Variants in DENND1A observed in about 807,000 individuals in gnomAD.
DENND1A encodes the protein DENN domain containing 1A, also known as DENN domain-containing protein 1A.
In DENND1A, 51 loss-of-function variants were observed where a neutral mutation model predicts 113.7. That is an observed-to-expected ratio of 0.45 (90% CI 0.36 to 0.57). The LOEUF (loss-of-function observed/expected upper bound fraction) is 0.57, where lower values mean the gene tolerates loss of function less well. Among genes scored for constraint, DENND1A ranks in the 20% least tolerant of loss-of-function variants. DENND1A has a pLI of 0.00. For synonymous variants in DENND1A, 565 were observed against 570.8 expected (o/e 0.99, Z 0.14); for missense variants, 1,258 against 1,395.9 (o/e 0.90, Z 1.57).
chr9:123,714,335 C>G (rs955441626), intron 5 of DENND1A, among the ~76,000 whole-genome samples: 1 of 152,204 alleles, frequency 6.6e-6, no homozygotes, highest in Non-Finnish European at 1.5e-5. Context: ...GGTGCAATGG[C>G]TCACACCTGT....
intron 13 of DENND1A, among the ~76,000 whole-genome samples, chr9:123,534,515 C>G (rs1248010051): frequency 2.6e-5 from 4 of 152,146 alleles, no homozygotes; most frequent in Non-Finnish European, 5.9e-5. Context: ...GTTTCCTAGC[C>G]TAAATGTGCA....
chr9:123,381,201 T>A lies in DENND1A; in HGVS notation c.*231A>T. On this transcript the variant is annotated 3_prime_UTR_variant, in exon 24 of 24. Coordinates refer to ENST00000394215, the MANE Select transcript of DENND1A (RefSeq NM_001352964.2). The surrounding 1 kb of genome is among the most constrained non-coding windows in gnomAD (Gnocchi z 4.7). ...GTGCCGAGGAGAGGCAACCGCGGGG[T>A]GGGATGGGCACTCAGGAACTGGGTT... The A allele has an allele frequency of 1.7e-6, 1 of 582,210 alleles. No individual in the cohort carries two copies. Among genetic ancestry groups the A allele is most frequent in the South Asian group, 2.1e-5 (1 of 48,536 alleles). 36.1% of individuals were successfully genotyped at this position (582,210 alleles called of 1,614,324 possible).
chr9:123,605,935 A>G (rs1339008398), intron 11 of DENND1A, among the ~76,000 whole-genome samples: 1 of 152,240 alleles, frequency 6.6e-6, no homozygotes, highest in Non-Finnish European at 1.5e-5. Flanking sequence ...ATAGCTTTCA[A>G]GAAAAAATAA....
At chr9:123,432,382 G>A (rs1456350948) in intron 19 of DENND1A, among the ~76,000 whole-genome samples, 1 of 152,178 alleles carries the variant, frequency 6.6e-6, no homozygotes, top group Non-Finnish European at 1.5e-5. Context: ...CCTGAGAAAT[G>A]CACCACCAAT....
At chr9:123,828,998 A>G (rs1366226314) in intron 2 of DENND1A, among the ~76,000 whole-genome samples, 1 of 152,218 alleles carries the variant, frequency 6.6e-6, no homozygotes, top group Non-Finnish European at 1.5e-5. Context: ...AAAAGGCAGG[A>G]GAAGGGAACG....
In DENND1A at chr9:123,422,416, C is replaced by T. The variant is rs199711655; in HGVS notation, c.1489-10587G>A. Among the ~76,000 whole-genome samples, 9 of 152,078 alleles carry T rather than the reference C, an allele frequency of 5.9e-5. No individual in the cohort carries two copies. The highest frequency in any genetic ancestry group is 1.9e-4 in the East Asian group (1 of 5,192). On this transcript the variant is annotated intron_variant, in intron 19 of 23. Coordinates refer to ENST00000394215, the MANE Select transcript of DENND1A (RefSeq NM_001352964.2). The surrounding 1 kb of genome is among the most constrained non-coding windows in gnomAD (Gnocchi z 4.8). Reference sequence around the variant, plus strand: ...ATAGACTTTTTGAGTGGAATGCAAACGTGGAAGCAATGGGAAGCTTAGATA... The same window carrying T: ...ATAGACTTTTTGAGTGGAATGCAAATGTGGAAGCAATGGGAAGCTTAGATA...
At chr9:123,639,630 A>G (rs1220245042) in intron 9 of DENND1A, among the ~76,000 whole-genome samples, 1 of 151,834 alleles carries the variant, frequency 6.6e-6, no homozygotes, top group Non-Finnish European at 1.5e-5. Flanking sequence ...ATACAAAATT[A>G]GCCAGGCATG....
intron 5 of DENND1A, among the ~76,000 whole-genome samples, chr9:123,718,901 CCACATGTTG>C (rs1475839065): frequency 6.6e-6 from 1 of 152,176 alleles, no homozygotes; most frequent in East Asian, 1.9e-4. Flanking sequence ...CCCATAATTC[CCACATGTTG>C]TGGGATGGAC....
chr9:123,909,416 A>G (rs1235211235), intron 1 of DENND1A, among the ~76,000 whole-genome samples: 1 of 147,090 alleles, frequency 6.8e-6, no homozygotes, highest in African/African-American at 2.6e-5. Context: ...ATAAAAATAA[A>G]TAAAAAAACT....
At chr9:123,871,187 G>GATCTCACACCTCAGCC (rs1846544810) in intron 2 of DENND1A, among the ~76,000 whole-genome samples, 1 of 152,042 alleles carries the variant, frequency 6.6e-6, no homozygotes, top group East Asian at 1.9e-4. Context: ...GGACTCAAGT[G>GATCTCACACCTCAGCC]ATCTCACACC....
intron 13 of DENND1A, among the ~76,000 whole-genome samples, chr9:123,514,098 A>C (rs4836928): frequency 1.6e-4 from 10 of 62,242 alleles, no homozygotes; most frequent in African/African-American, 4.5e-4. Flanking sequence ...GTGTGTGTGT[A>C]TGTGTGTGTG....
chr9:123,422,877 G>A lies in DENND1A; in HGVS notation c.1489-11048C>T, dbSNP rs2045417007. ...ATGTGCTTACCGCAGCAGCCCCTGAGCCCTCGGAGAACAAACAGGAACCCA... is the reference window on the plus strand; with the variant it reads ...ATGTGCTTACCGCAGCAGCCCCTGAACCCTCGGAGAACAAACAGGAACCCA... On this transcript the variant is annotated intron_variant, in intron 19 of 23. Transcript: ENST00000394215. This position sits in a 1 kb window ranked among gnomAD's most constrained non-coding sequence, Gnocchi z 4.8. Among the ~76,000 whole-genome samples the A allele has an allele frequency of 6.6e-6, 1 of 152,174 alleles. No individual in the cohort carries two copies. Among genetic ancestry groups the A allele is most frequent in the Admixed American group, 6.5e-5 (1 of 15,276 alleles).
chr9:123,625,812 AT>A (rs1252987138), intron 10 of DENND1A, among the ~76,000 whole-genome samples: 1 of 152,138 alleles, frequency 6.6e-6, no homozygotes, highest in Admixed American at 6.5e-5. Flanking sequence ...AACTATATTG[AT>A]TTTTCCAGCT....
intron 8 of DENND1A, among the ~76,000 whole-genome samples, chr9:123,657,028 G>A (rs2062985008): frequency 6.6e-6 from 1 of 152,190 alleles, no homozygotes; most frequent in Non-Finnish European, 1.5e-5. Context: ...GGGTAGCACA[G>A]CTACAAAGCT....
intron 13 of DENND1A, among the ~76,000 whole-genome samples, chr9:123,474,351 T>C (rs1418575518): frequency 1.3e-5 from 2 of 152,216 alleles, no homozygotes; most frequent in African/African-American, 4.8e-5. Context: ...AGAAGAACCC[T>C]GACAATTATA....
At chr9:123,524,350 G>C (rs896021143) in intron 13 of DENND1A, among the ~76,000 whole-genome samples, 1 of 152,210 alleles carries the variant, frequency 6.6e-6, no homozygotes, top group Non-Finnish European at 1.5e-5. Flanking sequence ...TGATATCTGC[G>C]GGTTGGATGG....
intron 12 of DENND1A, among the ~76,000 whole-genome samples, chr9:123,562,252 G>A (rs1425836367): frequency 1.3e-5 from 2 of 152,110 alleles, no homozygotes; most frequent in Admixed American, 1.3e-4. Context: ...TGGATGTCCA[G>A]AAGCACAGGC....
intron 11 of DENND1A, among the ~76,000 whole-genome samples, chr9:123,594,622 C>A (rs2059604385): frequency 6.6e-6 from 1 of 151,502 alleles, no homozygotes; most frequent in African/African-American, 2.4e-5. Flanking sequence ...CACTAAAATT[C>A]CCAGGGAGGG....
At chr9:123,548,101 C>T (rs546010621) in intron 13 of DENND1A, among the ~76,000 whole-genome samples, 7 of 152,276 alleles carry the variant, frequency 4.6e-5, no homozygotes, top group African/African-American at 1.7e-4. Flanking sequence ...ATTCCAAAGG[C>T]CATACTCCTT....
Sources: allele counts gnomAD v4.1 joint callset (sites outside exome capture counted in the v4.1 genomes callset), GRCh38; gene constraint gnomAD v4.1.1; non-coding constraint Gnocchi (gnomAD v3.1); transcripts MANE v1.5; gene names NCBI Gene and HGNC (gene_info 2026-07-23, HGNC 2026-07-21).